The following GALNT13 variants were observed in gnomAD, a reference collection of about 807,000 sequenced individuals.
The protein encoded by GALNT13 is polypeptide N-acetylgalactosaminyltransferase 13.
GALNT13 carries 28 observed loss-of-function variants against 64.2 expected under a neutral mutation model. That is an observed-to-expected ratio of 0.44 (90% CI 0.32 to 0.60). GALNT13 has a LOEUF of 0.60. Ranked by LOEUF, GALNT13 falls within the 20% of genes least tolerant of loss-of-function variation. The pLI, the probability that GALNT13 is intolerant of heterozygous loss-of-function variation, is 0.05. For synonymous variants in GALNT13, 214 were observed against 224.6 expected, an observed-to-expected ratio of 0.95 and a Z score of 0.42; for missense variants, 577 against 669.8, an observed-to-expected ratio of 0.86 and a Z score of 1.53.
chr2:154,280,503 A>C (rs945325958), intron 8 of GALNT13, among the ~76,000 whole-genome samples: 1 of 152,224 alleles, frequency 6.6e-6, no homozygotes, highest in Non-Finnish European at 1.5e-5. Context: ...TGACCACTTT[A>C]CAAATTACAC....
chr2:153,620,288 T>A, the GALNT13 span, among the ~76,000 whole-genome samples: 4 of 151,914 alleles, frequency 2.6e-5, no homozygotes, highest in Non-Finnish European at 5.9e-5. Flanking sequence ...CACACCTGGC[T>A]AGTTTTTCTA....
At chr2:153,982,290 TAGTA>T (rs1694516057) in intron 3 of GALNT13, among the ~76,000 whole-genome samples, 1 of 152,130 alleles carries the variant, frequency 6.6e-6, no homozygotes, top group Non-Finnish European at 1.5e-5. Context: ...TGGCTCATCT[TAGTA>T]AGTAAATAAT....
chr2:154,360,187 G>A (rs1348724480), intron 9 of GALNT13, among the ~76,000 whole-genome samples: 3 of 152,070 alleles, frequency 2.0e-5, no homozygotes. Context: ...ATGTTACAGT[G>A]GTTTAATCAC....
At chr2:153,348,629 A>G in the GALNT13 span, among the ~76,000 whole-genome samples, 3 of 152,380 alleles carry the variant, frequency 2.0e-5, no homozygotes, top group East Asian at 3.9e-4. Context: ...TTGGAAAAAC[A>G]TATAGAATGT....
chr2:153,692,280 G>C, the GALNT13 span, among the ~76,000 whole-genome samples: 1 of 152,130 alleles, frequency 6.6e-6, no homozygotes, highest in Non-Finnish European at 1.5e-5. Context: ...TGTTTACTTG[G>C]AAGCTGGTTA....
intron 3 of GALNT13, among the ~76,000 whole-genome samples, chr2:154,006,088 G>A (rs1344961665): frequency 1.3e-5 from 2 of 152,152 alleles, no homozygotes; most frequent in South Asian, 2.1e-4. Flanking sequence ...AACTTCTAGG[G>A]TGCAAATCTG....
chr2:154,137,730 A>G lies in GALNT13; in HGVS notation c.143-2607A>G, dbSNP rs527600743. ...TTCCACAGAGCGAAATTTTAATCCT[A>G]TCTGCTTCCTAGTCTTGGAAGCATT... is the stretch of plus-strand genomic sequence containing the variant. On this transcript the variant is annotated intron_variant, in intron 3 of 12. Coordinates refer to ENST00000392825, the MANE Select transcript of GALNT13 (RefSeq NM_052917.4). Among the ~76,000 whole-genome samples the G allele has an allele frequency of 2.0e-3, 308 of 152,220 alleles. 1 individual carries two copies. The highest frequency in any genetic ancestry group is 7.3e-3 in the African/African-American group (305 of 41,540).
At chr2:154,162,978 T>A (rs957541381) in intron 4 of GALNT13, among the ~76,000 whole-genome samples, 10 of 151,390 alleles carry the variant, frequency 6.6e-5, no homozygotes, top group Admixed American at 1.3e-4. Context: ...TTTTCTATTT[T>A]TTTTTTTATA....
intron 3 of GALNT13, among the ~76,000 whole-genome samples, chr2:154,112,848 G>A (rs2098565): frequency 0.24 from 36,095 of 152,160 alleles, 4,631 homozygotes; most frequent in Non-Finnish European, 0.28. Flanking sequence ...CTTCCCATAA[G>A]GCCACTGGTG....
intron 8 of GALNT13, among the ~76,000 whole-genome samples, chr2:154,296,012 G>T (rs1169921997): frequency 1.3e-5 from 2 of 152,116 alleles, no homozygotes; most frequent in African/African-American, 4.8e-5. Flanking sequence ...TTTTCCAAGG[G>T]CCTTTTGGAG....
chr2:153,155,590 CT>C, the GALNT13 span, among the ~76,000 whole-genome samples: 1 of 151,876 alleles, frequency 6.6e-6, no homozygotes, highest in African/African-American at 2.4e-5. Context: ...ATTTCTAATT[CT>C]GTTTATTTGA....
the GALNT13 span, among the ~76,000 whole-genome samples, chr2:153,394,054 C>T: frequency 1.3e-5 from 2 of 151,196 alleles, no homozygotes; most frequent in Admixed American, 1.3e-4. Context: ...CTTGTGTTAG[C>T]CAATGAAACG....
At chr2:153,226,443 G>A in the GALNT13 span, among the ~76,000 whole-genome samples, 1 of 152,128 alleles carries the variant, frequency 6.6e-6, no homozygotes, top group South Asian at 2.1e-4. Context: ...TCAGAGTGGA[G>A]GAATCTGACA....
At chr2:153,138,313 G>A in the GALNT13 span, among the ~76,000 whole-genome samples, 1 of 151,986 alleles carries the variant, frequency 6.6e-6, no homozygotes, top group Non-Finnish European at 1.5e-5. Context: ...CTCTTTCACT[G>A]ATTTAAAACT....
At chr2:153,781,550 T>TTCC in the GALNT13 span, among the ~76,000 whole-genome samples, 3 of 152,150 alleles carry the variant, frequency 2.0e-5, no homozygotes, top group Non-Finnish European at 2.9e-5. Flanking sequence ...GAAGTGTGAA[T>TTCC]TCCCTCTCCA....
At chr2:154,178,836 C>T (rs891647010) in intron 4 of GALNT13, among the ~76,000 whole-genome samples, 1 of 152,176 alleles carries the variant, frequency 6.6e-6, no homozygotes, top group African/African-American at 2.4e-5. Context: ...AAATAGTAAT[C>T]ATGTGGCTCC....
chr2:153,375,402 A>T, the GALNT13 span, among the ~76,000 whole-genome samples: 1 of 152,302 alleles, frequency 6.6e-6, no homozygotes, highest in East Asian at 1.9e-4. Flanking sequence ...TGAAGGCCAT[A>T]CTGTTTTTCA....
chr2:153,794,524 C>CT, the GALNT13 span, among the ~76,000 whole-genome samples: 34,944 of 146,278 alleles, frequency 0.24, 4,314 homozygotes, highest in Non-Finnish European at 0.28. Flanking sequence ...ATTAGAATAA[C>CT]TTTTTTTTTT....
chr2:154,013,574 C>A (rs1223206282), intron 3 of GALNT13, among the ~76,000 whole-genome samples: 2 of 152,144 alleles, frequency 1.3e-5, no homozygotes, highest in African/African-American at 4.8e-5. Flanking sequence ...CCGGTGTACA[C>A]TGTGCTCACT....
Sources: allele counts gnomAD v4.1 joint callset (sites outside exome capture counted in the v4.1 genomes callset), GRCh38; gene constraint gnomAD v4.1.1; transcripts MANE v1.5; gene names NCBI Gene and HGNC (gene_info 2026-07-23, HGNC 2026-07-21).